CBL: variants seen among roughly 807,000 people sequenced by gnomAD.
CBL encodes Cbl proto-oncogene, also known as E3 ubiquitin-protein ligase CBL.
A neutral mutation model predicts 96.9 loss-of-function variants in CBL; 45 were observed. The observed-to-expected ratio is 0.46, with a 90% CI of 0.37 to 0.60. CBL has a LOEUF of 0.60. CBL is among the 20% of genes least tolerant of loss of function. The pLI, the probability that CBL is intolerant of heterozygous loss-of-function variation, is 0.00. For missense variants in CBL, 1,024 were observed against 1,143.5 expected, an observed-to-expected ratio of 0.90 and a Z score of 1.51; for synonymous variants, 420 against 426.8, an observed-to-expected ratio of 0.98 and a Z score of 0.20.
At chr11:119,224,664 C>T (rs1302349425) in intron 1 of CBL, among the ~76,000 whole-genome samples, 1 of 152,092 alleles carries the variant, frequency 6.6e-6, no homozygotes, top group Non-Finnish European at 1.5e-5. Context: ...GACCTTGGCT[C>T]ACTGCAACCT....
chr11:119,287,734 G>A, intron 11 of CBL, 118 bp from the exon 12 acceptor site: 1 of 739,544 alleles, frequency 1.4e-6, no homozygotes, highest in Non-Finnish European at 2.5e-6. Context: ...ATAACCCCTG[G>A]GCATGGCATT....
Position 119,302,161 on chromosome 11 carries a change from T to C in CBL, c.*2380T>C, listed in dbSNP as rs1482903908. The C allele has an allele frequency of 8.6e-6, 2 of 232,886 alleles. No individual in the cohort carries two copies. The highest frequency in any genetic ancestry group is 2.2e-5 in the African/African-American group (1 of 45,332). 14.4% of individuals were successfully genotyped at this position (232,886 alleles called of 1,614,324 possible). ...TCCAGCTCCCTGTGTTGTGTGTGTG[T>C]GCCATCCATGGGCTTGGGTGTCAGT... On this transcript the variant is annotated 3_prime_UTR_variant, in exon 16 of 16. Coordinates refer to ENST00000264033, the MANE Select transcript of CBL (RefSeq NM_005188.4).
In CBL at chr11:119,298,375, G is replaced by A. The variant is rs146517083; in HGVS notation, c.2269G>A (p.Ala757Thr). The change falls in exon 15 of 16, where the codon GCA becomes ACA. Residue 757 changes from alanine (A) to threonine (T), a missense_variant. Ala to Thr is a moderately conservative substitution (Grantham distance 58). Around this residue, in one of 4 missense-constraint regions of CBL, gnomAD observed 695 missense variants for 661.6 expected, o/e 1.05. Coordinates refer to ENST00000264033, the MANE Select transcript of CBL (RefSeq NM_005188.4). The part of the protein sequence containing the change: ...SSTFGEGNLA[A>T]AHANTGPEES... The stretch of plus-strand genomic sequence containing the variant: ...TTCTCCAGGTGAAGGGAATTTGGCC[G>A]CAGCCCATGCCAACACTGGTCCCGA... The A allele has an allele frequency of 1.3e-3, 2,128 of 1,614,092 alleles. 6 individuals carry two copies. Among genetic ancestry groups the A allele is most frequent in the Middle Eastern group, 9.4e-3 (57 of 6,062 alleles).
At chr11:119,238,783 A>T (rs1949564406) in intron 2 of CBL, among the ~76,000 whole-genome samples, 1 of 152,094 alleles carries the variant, frequency 6.6e-6, no homozygotes, top group African/African-American at 2.4e-5. Context: ...GTGAGCCGAG[A>T]TCAAGCCACT....
rs188887004 is a variant in CBL at position 119,274,690 on chromosome 11, G to A, written c.748-142G>A. The A allele has an allele frequency of 3.9e-3, 3,018 of 765,758 alleles. 38 individuals are homozygous for A. The highest frequency in any genetic ancestry group is 0.022 in the African/African-American group (1,270 of 56,918). The allele number at this position is 765,758 out of a possible 1,614,324, so 47.4% of individuals were successfully genotyped here. On this transcript the variant is annotated intron_variant, in intron 4 of 15. Coordinates refer to ENST00000264033, the MANE Select transcript of CBL (RefSeq NM_005188.4). ...AGAGTTTTTAATCTCCTGAACACATGTGTCTTCTCTCTGAGTGATGGTATA... is the reference window on the plus strand; with the variant it reads ...AGAGTTTTTAATCTCCTGAACACATATGTCTTCTCTCTGAGTGATGGTATA...
At position 119,297,045 on chromosome 11, in the gene CBL, A is replaced by G; in HGVS notation, c.2153+11A>G. On this transcript the variant is annotated intron_variant, in intron 13 of 15. Coordinates refer to ENST00000264033, the MANE Select transcript of CBL (RefSeq NM_005188.4). ...ATCCCAGAGTTCACGGTAGGTTCAC[A>G]ACAACCCTTTTTGGGCCCTATACCT... 1 of 1,431,326 alleles carries G rather than the reference A, an allele frequency of 7.0e-7. No individual in the cohort carries two copies. Among genetic ancestry groups the G allele is most frequent in the Non-Finnish European group, 9.9e-7 (1 of 1,012,752 alleles). The allele number at this position is 1,431,326 out of a possible 1,614,324, so 88.7% of individuals were successfully genotyped here. A position where few individuals can be genotyped will look rare whatever the true frequency, so the allele number is the denominator to read the frequency against.
intron 2 of CBL, among the ~76,000 whole-genome samples, chr11:119,252,721 CA>C (rs985407620): frequency 6.6e-6 from 1 of 151,382 alleles, no homozygotes; most frequent in African/African-American, 2.4e-5. Flanking sequence ...AACAAACAAA[CA>C]AAAAAACTTA....
intron 12 of CBL, among the ~76,000 whole-genome samples, chr11:119,296,510 T>G (rs929113253): frequency 2.0e-5 from 3 of 152,236 alleles, no homozygotes; most frequent in Admixed American, 6.5e-5. Flanking sequence ...AGAAAGCTTT[T>G]GACAAGCTAT....
rs547684522 is a variant in CBL, at chr11:119,221,626, G to T, written c.196-10822G>T. Reference sequence around the variant, plus strand: ...ACTAAAAATACAAAAAAATTAGCCAGGCGTGGTGGCGCATGCCTGTAATTT... The same window carrying T: ...ACTAAAAATACAAAAAAATTAGCCATGCGTGGTGGCGCATGCCTGTAATTT... On this transcript the variant is annotated intron_variant, in intron 1 of 15. Coordinates refer to ENST00000264033, the MANE Select transcript of CBL (RefSeq NM_005188.4). 4.6e-5 allele frequency among the ~76,000 whole-genome samples: 7 copies of T among 152,140 alleles called. No homozygotes were observed. The South Asian group carries it at 1.5e-3, about 32-fold the overall frequency.
chr11:119,238,779 C>T (rs1371372813), intron 2 of CBL, among the ~76,000 whole-genome samples: 3 of 151,976 alleles, frequency 2.0e-5, no homozygotes, highest in Non-Finnish European at 4.4e-5. Context: ...TGCAGTGAGC[C>T]GAGATCAAGC....
chr11:119,218,476 C>T (rs1000151745), intron 1 of CBL, among the ~76,000 whole-genome samples: 18 of 152,238 alleles, frequency 1.2e-4, no homozygotes, highest in African/African-American at 3.6e-4. Context: ...GTTTCAGTTA[C>T]CTGTGGTCTG....
At chr11:119,241,766 AG>A (rs1322314377) in intron 2 of CBL, among the ~76,000 whole-genome samples, 4 of 152,238 alleles carry the variant, frequency 2.6e-5, no homozygotes, top group African/African-American at 9.6e-5. Context: ...CATTTAGGAA[AG>A]GGACAGCAAC....
intron 2 of CBL, among the ~76,000 whole-genome samples, chr11:119,239,421 T>C (rs1327384473): frequency 6.6e-6 from 1 of 152,242 alleles, no homozygotes; most frequent in Admixed American, 6.5e-5. Flanking sequence ...TATAGAAACA[T>C]AGTTGACTTC....
intron 9 of CBL, 72 bp from the exon 10 acceptor site, chr11:119,284,897 C>A: frequency 6.3e-7 from 1 of 1,577,044 alleles, no homozygotes; most frequent in Non-Finnish European, 8.7e-7. Flanking sequence ...TTGCCATCCA[C>A]AGCTTTAGGA....
In CBL at chr11:119,299,573, G is replaced by T. The variant is rs144191570; in HGVS notation, c.2513G>T (p.Gly838Val). ...AGAATCAACTCTGAACGGAAAGCTG[G>T]CAGCTGTCAGCAAGGTAGTGGTCCT... ...PRRINSERKAGSCQQGSGPAA... is the reference protein window; with the variant it reads ...PRRINSERKAVSCQQGSGPAA... Residue 838 changes from glycine to valine, a missense_variant, in exon 16 of 16, where the codon GGC becomes GTC. This residue lies in a region of CBL where 695 missense variants were observed against 661.6 expected (regional missense o/e 1.05). Transcript: ENST00000264033. The T allele has an allele frequency of 1.4e-4, 228 of 1,614,154 alleles. No homozygotes were observed. Among genetic ancestry groups the T allele is most frequent in the East Asian group, 4.0e-4 (18 of 44,892 alleles).
chr11:119,219,055 T>TA (rs1326638553), intron 1 of CBL, among the ~76,000 whole-genome samples: 5 of 151,582 alleles, frequency 3.3e-5, no homozygotes, highest in African/African-American at 4.8e-5. Flanking sequence ...TTCTTTATTT[T>TA]AAAAAAAAAT....
Position 119,206,591 on chromosome 11 carries a change from G to C in CBL, c.174G>C (p.Lys58Asn). 1.3e-6 allele frequency: 2 copies of C among 1,548,628 alleles called. No individual in the cohort carries two copies. The highest frequency in any genetic ancestry group is 1.7e-6 in the Non-Finnish European group (2 of 1,146,250). Reference sequence around the variant, plus strand: ...CGGTGGACAAGAAGATGGTGGAGAAGTGCTGGAAGCTCATGGACAAGGTGA... The same window carrying C: ...CGGTGGACAAGAAGATGGTGGAGAACTGCTGGAAGCTCATGGACAAGGTGA... ...PGTVDKKMVE[K>N]CWKLMDKVVR... is the part of the protein sequence containing the mutation. Residue 58 changes from lysine (K) to asparagine (N), a missense_variant, in exon 1 of 16, where the codon AAG (lysine) becomes AAC (asparagine). By Grantham distance (94) the Lys-to-Asn change is moderately conservative. Coordinates refer to ENST00000264033, the MANE Select transcript of CBL (RefSeq NM_005188.4).
chr11:119,306,869 T>A lies in CBL; in HGVS notation c.*7088T>A, dbSNP rs1270634632. On this transcript the variant is annotated 3_prime_UTR_variant, in exon 16 of 16. Transcript: ENST00000264033. Reference sequence around the variant, plus strand: ...GCACCTCCTACGTCTGTTTTCTGGCTGTGGTGACTTGGGATTTTTAACCTT... The same window carrying A: ...GCACCTCCTACGTCTGTTTTCTGGCAGTGGTGACTTGGGATTTTTAACCTT... 1 of 232,450 alleles carries A rather than the reference T, an allele frequency of 4.3e-6. No individual in the cohort carries two copies. The highest frequency in any genetic ancestry group is 8.5e-6 in the Non-Finnish European group (1 of 117,474). The allele number at this position is 232,450 out of a possible 1,614,324, so 14.4% of individuals were successfully genotyped here.
In CBL at chr11:119,277,772, T is replaced by C. The variant is rs1368487308; in HGVS notation, c.1023T>C (p.Asp341=). ...CTCTTTACAGCTATTTGTTTCCTGA[T>C]GGACGAAATCAGAATCCTGATCTGA... ...GFREGFYLFP[D]GRNQNPDLTG... Residue 341 remains aspartate, a synonymous_variant, in exon 7 of 16, where the codon GAT becomes GAC. Coordinates refer to ENST00000264033, the MANE Select transcript of CBL (RefSeq NM_005188.4). 4.3e-6 allele frequency: 7 copies of C among 1,613,830 alleles called. No homozygotes were observed. The highest frequency in any genetic ancestry group is 1.3e-5 in the African/African-American group (1 of 75,064).
Sources: gnomAD v4.1 joint callset for allele counts (sites outside exome capture counted in the v4.1 genomes callset) on GRCh38, gnomAD v4.1.1 for gene constraint, gnomAD v4.1.1 regional missense constraint, MANE v1.5 for transcripts, NCBI Gene and HGNC (gene_info 2026-07-23, HGNC 2026-07-21) for gene names.